ASAP2: variants seen among roughly 807,000 people sequenced by gnomAD.
ASAP2 encodes the protein ArfGAP with SH3 domain, ankyrin repeat and PH domain 2, also known as arf-GAP with SH3 domain, ANK repeat and PH domain-containing protein 2.
ASAP2 carries 45 observed loss-of-function variants against 131.4 expected under a neutral mutation model. That is an observed-to-expected ratio of 0.34 (90% CI 0.27 to 0.44). The LOEUF is 0.44. Ranked by LOEUF, ASAP2 falls within the 20% of genes least tolerant of loss-of-function variation. The probability of loss-of-function intolerance (pLI) is 1.00; values close to 1 mark genes in which losing one functional copy is unlikely to be tolerated. For missense variants in ASAP2, 1,011 were observed against 1,297.0 expected (o/e 0.78, Z 3.39); for synonymous variants, 510 against 503.0 (o/e 1.01, Z -0.19).
At chr2:9,399,783 C>G in intron 24 of ASAP2, 2 of 556,694 alleles carry the variant, frequency 3.6e-6, no homozygotes, top group African/African-American at 1.9e-5. Context: ...GTGGCAGGCT[C>G]ACGTGGACAG....
At position 9,334,756 on chromosome 2, in the gene ASAP2, C is replaced by G. The variant is rs770297487; in HGVS notation, c.705C>G (p.Leu235=). ...CTGCTAGTTTTTTTCAGGATGGACT[C>G]AAAGCCGTGGAAAGCCTCAAACCTT... ...HAQCNFFQDG[L]KAVESLKPSI... The change falls in exon 8 of 28, where the codon CTC becomes CTG. Residue 235 remains leucine, a synonymous_variant. Coordinates refer to ENST00000281419, the MANE Select transcript of ASAP2 (RefSeq NM_003887.3). 4 of 1,614,076 alleles carry G rather than the reference C, an allele frequency of 2.5e-6. No homozygotes were observed. The highest frequency in any genetic ancestry group is 1.7e-5 in the Admixed American group (1 of 60,008).
chr2:9,371,195 A>G (rs1395147541), intron 16 of ASAP2, among the ~76,000 whole-genome samples: 1 of 152,220 alleles, frequency 6.6e-6, no homozygotes, highest in African/African-American at 2.4e-5. Context: ...GGCTTTTTTC[A>G]AAATGAGGGC....
intron 4 of ASAP2, among the ~76,000 whole-genome samples, chr2:9,320,020 G>T (rs1295782094): frequency 6.6e-6 from 1 of 152,194 alleles, no homozygotes; most frequent in Non-Finnish European, 1.5e-5. Context: ...GTGACACAAG[G>T]TGGCCCAAGA....
At chr2:9,271,454 GT>G (rs1666388557) in intron 1 of ASAP2, 1 of 1,400,868 alleles carries the variant, frequency 7.1e-7, no homozygotes, top group Admixed American at 1.7e-5. Flanking sequence ...GCCTTCACTG[GT>G]TTCTTTTTGG....
intron 8 of ASAP2, 38 bp from the exon 9 acceptor site, chr2:9,335,055 T>A: frequency 1.9e-6 from 3 of 1,597,656 alleles, no homozygotes; most frequent in Non-Finnish European, 2.6e-6. Context: ...CAGTCTTAAT[T>A]TTCTGATTGG....
intron 11 of ASAP2, among the ~76,000 whole-genome samples, chr2:9,346,198 C>A (rs115901755): frequency 6.6e-6 from 1 of 151,964 alleles, no homozygotes; most frequent in East Asian, 1.9e-4. Context: ...GAGGCCGAGG[C>A]GGGCAGATCA....
At chr2:9,227,530 G>A (rs926474813) in intron 1 of ASAP2, among the ~76,000 whole-genome samples, 1 of 152,020 alleles carries the variant, frequency 6.6e-6, no homozygotes, top group African/African-American at 2.4e-5. Context: ...AACGCTATTC[G>A]GGTGGGACAG....
At chr2:9,317,624 C>A (rs564265581) in intron 3 of ASAP2, among the ~76,000 whole-genome samples, 10 of 149,974 alleles carry the variant, frequency 6.7e-5, no homozygotes, top group Non-Finnish European at 8.9e-5. Context: ...ACAATCACAC[C>A]CACACACACC....
intron 9 of ASAP2, among the ~76,000 whole-genome samples, chr2:9,342,733 C>T (rs1429301986): frequency 6.6e-6 from 1 of 152,194 alleles, no homozygotes; most frequent in African/African-American, 2.4e-5. Flanking sequence ...CTGCCTGTGC[C>T]TTGGGATGCA....
chr2:9,391,144 A>C lies in ASAP2; in HGVS notation c.2466A>C (p.Ser822=). The C allele has an allele frequency of 6.2e-7, 1 of 1,614,242 alleles. No individual in the cohort carries two copies. The highest frequency in any genetic ancestry group is 8.5e-7 in the Non-Finnish European group (1 of 1,180,040). ...GTGGAAGCCGGCAGCGATCTTCGTC[A>C]GATCCGCCAGCTGTCCATCCACCGC... ...VDGGSRQRSS[S]DPPAVHPPLP... is the part of the protein sequence containing the mutation. Residue 822 remains serine, a synonymous_variant, in exon 23 of 28, where the codon TCA becomes TCC. Coordinates refer to ENST00000281419, the MANE Select transcript of ASAP2 (RefSeq NM_003887.3).
At chr2:9,250,982 C>T (rs1191915629) in intron 1 of ASAP2, among the ~76,000 whole-genome samples, 2 of 152,168 alleles carry the variant, frequency 1.3e-5, no homozygotes, top group Admixed American at 6.5e-5. Flanking sequence ...GATGGGAACC[C>T]GGAGTGGGCA....
intron 9 of ASAP2, among the ~76,000 whole-genome samples, chr2:9,344,178 T>G (rs1264432730): frequency 6.6e-6 from 1 of 152,152 alleles, no homozygotes; most frequent in Non-Finnish European, 1.5e-5. Flanking sequence ...TTCCACTCAC[T>G]GCATCACCTC....
Position 9,217,398 on chromosome 2 carries a change from G to C in ASAP2, c.126+10168G>C, listed in dbSNP as rs1325943488. Among the ~76,000 whole-genome samples, 1 of 152,176 alleles carries C rather than the reference G, an allele frequency of 6.6e-6. No individual in the cohort carries two copies. The highest frequency in any genetic ancestry group is 1.5e-5 in the Non-Finnish European group (1 of 68,034). On this transcript the variant is annotated intron_variant, in intron 1 of 27. Coordinates refer to ENST00000281419, the MANE Select transcript of ASAP2 (RefSeq NM_003887.3). This position sits in a 1 kb window ranked among gnomAD's most constrained non-coding sequence, Gnocchi z 4.0. ...AGGGGCATTGCTCACACCCTGGCAGGAGGCCTTCCCTGCTAACAGTGTTAA... is the reference window on the plus strand; with the variant it reads ...AGGGGCATTGCTCACACCCTGGCAGCAGGCCTTCCCTGCTAACAGTGTTAA...
At chr2:9,348,552 G>A (rs141934520) in intron 11 of ASAP2, among the ~76,000 whole-genome samples, 6 of 152,256 alleles carry the variant, frequency 3.9e-5, no homozygotes, top group African/African-American at 1.4e-4. Context: ...AACCTGAATA[G>A]CAAACAGTTA....
intron 3 of ASAP2, among the ~76,000 whole-genome samples, chr2:9,298,775 G>A (rs987842899): frequency 5.3e-5 from 8 of 152,170 alleles, no homozygotes; most frequent in South Asian, 2.1e-4. Context: ...TGCTCTCCCC[G>A]CACCTGGGTG....
At chr2:9,246,378 C>G (rs947304567) in intron 1 of ASAP2, among the ~76,000 whole-genome samples, 10 of 152,162 alleles carry the variant, frequency 6.6e-5, no homozygotes, top group African/African-American at 2.4e-4. Context: ...GCCTCGACCT[C>G]CTGGACTCAG....
intron 24 of ASAP2, among the ~76,000 whole-genome samples, chr2:9,395,611 T>TC (rs1676079812): frequency 1.9e-5 from 2 of 104,216 alleles, no homozygotes; most frequent in Non-Finnish European, 3.7e-5. Context: ...TTTTTTTTTT[T>TC]TTTTTTTTTT....
intron 2 of ASAP2, among the ~76,000 whole-genome samples, chr2:9,290,503 C>G (rs1280128787): frequency 1.3e-5 from 2 of 152,206 alleles, no homozygotes; most frequent in Non-Finnish European, 2.9e-5. Context: ...AGCCACTGCA[C>G]CTGGCCTAAT....
At chr2:9,211,103 C>T (rs553259990) in intron 1 of ASAP2, among the ~76,000 whole-genome samples, 6 of 151,154 alleles carry the variant, frequency 4.0e-5, no homozygotes, top group African/African-American at 4.9e-5. Flanking sequence ...TGCGGTGAGT[C>T]GAGATCGTGC....
Sources: allele counts gnomAD v4.1 joint callset (sites outside exome capture counted in the v4.1 genomes callset), GRCh38; gene constraint gnomAD v4.1.1; non-coding constraint Gnocchi (gnomAD v3.1); transcripts MANE v1.5; gene names NCBI Gene and HGNC (gene_info 2026-07-23, HGNC 2026-07-21).